Variants in PC observed in about 807,000 individuals in gnomAD.
PC encodes pyruvate carboxylase, also known as pyruvate carboxylase, mitochondrial.
In PC, 46 loss-of-function variants were observed where a neutral mutation model predicts 107.8. That is an observed-to-expected ratio of 0.43 (90% CI 0.34 to 0.55). The LOEUF (loss-of-function observed/expected upper bound fraction) is 0.55. PC is among the 20% of genes least tolerant of loss of function. The pLI is 0.04. For synonymous variants in PC, 662 were observed against 684.7 expected (o/e 0.97, Z 0.52); for missense variants, 1,241 against 1,643.1 (o/e 0.76, Z 4.23).
intron 3 of PC, among the ~76,000 whole-genome samples, chr11:66,929,795 G>A (rs562155992): frequency 3.9e-5 from 6 of 152,258 alleles, no homozygotes; most frequent in Non-Finnish European, 8.8e-5. Flanking sequence ...AGGAATACAG[G>A]CATGAGCCAC....
At chr11:66,944,614 C>A (rs559836536) in intron 3 of PC, among the ~76,000 whole-genome samples, 2 of 117,012 alleles carry the variant, frequency 1.7e-5, no homozygotes, top group South Asian at 4.9e-4. Context: ...AAATAAATTT[C>A]TATTGTTTAT....
Position 66,857,052 on chromosome 11 carries a change from GCGCGCGCGCCCGCCGGCGC to G in PC, c.1369-3688_1369-3670del, listed in dbSNP as rs1444198845. ...TCCGCCCTCCACGTGCGTGTCCGCG[GCGCGCGCGCCCGCCGGCGC>G]GCACCCGCTCGCCTGTCGCCGCCGC... On this transcript the variant is annotated intron_variant, in intron 12 of 22. Transcript: ENST00000393960. The surrounding 1 kb of genome is among the most constrained non-coding windows in gnomAD (Gnocchi z 7.1). The G allele has an allele frequency of 4.1e-5, 6 of 146,850 alleles. No homozygotes were observed. The highest frequency in any genetic ancestry group is 7.6e-5 in the Non-Finnish European group (5 of 65,894). 9.1% of individuals were successfully genotyped at this position (146,850 alleles called of 1,614,324 possible).
At chr11:66,910,505 C>A (rs1365962080) in intron 3 of PC, among the ~76,000 whole-genome samples, 2 of 152,158 alleles carry the variant, frequency 1.3e-5, no homozygotes, top group Non-Finnish European at 2.9e-5. Flanking sequence ...TGAGGACTGT[C>A]CACTATGTAA....
At chr11:66,851,357 C>A (rs543835075) in intron 16 of PC, 77 bp from the exon 17 acceptor site, 1 of 1,584,518 alleles carries the variant, frequency 6.3e-7, no homozygotes, top group South Asian at 1.1e-5. Context: ...CCTTCCTGAC[C>A]CACTCTATGG....
chr11:66,900,108 T>C (rs1193338509), intron 3 of PC, among the ~76,000 whole-genome samples: 1 of 152,094 alleles, frequency 6.6e-6, no homozygotes, highest in Non-Finnish European at 1.5e-5. Flanking sequence ...TATATCTATA[T>C]GTCTATCCTT....
At chr11:66,935,641 A>C (rs1371335200) in intron 3 of PC, among the ~76,000 whole-genome samples, 1 of 152,100 alleles carries the variant, frequency 6.6e-6, no homozygotes, top group Non-Finnish European at 1.5e-5. Context: ...TATTCTGAGA[A>C]CCTCAGGCCA....
chr11:66,949,232 T>A (rs910517878), intron 3 of PC, among the ~76,000 whole-genome samples: 1 of 151,508 alleles, frequency 6.6e-6, no homozygotes, highest in Non-Finnish European at 1.5e-5. Flanking sequence ...GACCTCGTGA[T>A]CTGCCCGCCT....
At chr11:66,918,449 C>A (rs1454935695) in intron 3 of PC, among the ~76,000 whole-genome samples, 1 of 151,214 alleles carries the variant, frequency 6.6e-6, no homozygotes, top group Non-Finnish European at 1.5e-5. Flanking sequence ...AGTGCAGTGG[C>A]GCAATCTTGG....
At chr11:66,888,889 C>A (rs1296779577) in intron 3 of PC, among the ~76,000 whole-genome samples, 1 of 152,090 alleles carries the variant, frequency 6.6e-6, no homozygotes, top group African/African-American at 2.4e-5. Context: ...CCCTGACCAA[C>A]ATGGTGAAAC....
intron 3 of PC, among the ~76,000 whole-genome samples, chr11:66,928,365 G>A (rs1164315806): frequency 7.5e-6 from 1 of 133,440 alleles, no homozygotes; most frequent in Non-Finnish European, 1.5e-5. Flanking sequence ...CAGCCTGGGC[G>A]ACAGAGTGAG....
rs754740182 is a variant in PC at position 66,858,660 on chromosome 11, G to A, written c.1368+5114C>T. 1 of 1,543,486 alleles carries A rather than the reference G, an allele frequency of 6.5e-7. No homozygotes were observed. Among genetic ancestry groups the A allele is most frequent in the Non-Finnish European group, 8.7e-7 (1 of 1,144,488 alleles). The stretch of plus-strand genomic sequence containing the variant: ...GGCCACGCTGCGGTGCCGGGCCCTG[G>A]GTGACCCCGCGCCTACCATGCACTG... On this transcript the variant is annotated intron_variant, in intron 12 of 22. Coordinates refer to ENST00000393960, the MANE Select transcript of PC (RefSeq NM_001040716.2). The surrounding 1 kb of genome is among the most constrained non-coding windows in gnomAD (Gnocchi z 5.9).
intron 3 of PC, among the ~76,000 whole-genome samples, chr11:66,925,271 G>A (rs749729487): frequency 5.9e-5 from 9 of 152,096 alleles, no homozygotes; most frequent in East Asian, 1.9e-4. Flanking sequence ...GAATTTCCTC[G>A]TCCTAATAAG....
chr11:66,923,109 G>A (rs1413860459), intron 3 of PC, among the ~76,000 whole-genome samples: 1 of 152,184 alleles, frequency 6.6e-6, no homozygotes, highest in South Asian at 2.1e-4. Context: ...GCTCACGCCT[G>A]TAATCCCAGC....
intron 11 of PC, 142 bp from the exon 12 acceptor site, chr11:66,864,098 C>T: frequency 1.2e-6 from 1 of 846,786 alleles, no homozygotes; most frequent in South Asian, 1.4e-5. Context: ...CCAGCTCTGG[C>T]TGGTCAGGTT....
intron 12 of PC, among the ~76,000 whole-genome samples, chr11:66,860,903 T>A (rs1268127065): frequency 6.6e-6 from 1 of 152,076 alleles, no homozygotes; most frequent in African/African-American, 2.4e-5. Context: ...GGGCTGAGCG[T>A]ACAGTGAAAA....
chr11:66,850,092 C>T lies in PC; in HGVS notation c.2743G>A (p.Gly915Arg). 6.2e-7 allele frequency: 1 copy of T among 1,613,746 alleles called. No homozygotes were observed. The highest frequency in any genetic ancestry group is 8.5e-7 in the Non-Finnish European group (1 of 1,180,048). Residue 915 changes from glycine to arginine, a missense_variant, in exon 20 of 23, where the codon GGG (glycine) becomes AGG (arginine). By Grantham distance (125) the Gly-to-Arg change is moderately radical (BLOSUM62 -2). Around this residue, in one of 2 missense-constraint regions of PC, gnomAD observed 1,143 missense variants for 1,551.9 expected, o/e 0.74. Transcript: ENST00000393960. ...TGCACCATAAACTGGGCCAGGTCCCCCACGATCTTGGAGGAGGGCGTCACC... is the reference window on the plus strand; with the variant it reads ...TGCACCATAAACTGGGCCAGGTCCCTCACGATCTTGGAGGAGGGCGTCACC... ...IKVTPSSKIV[G>R]DLAQFMVQNG...
rs1945286508 is a variant in PC, at chr11:66,848,580, A to G, written c.*319T>C. ...CTTCCCAGGACCTGGGACATCTTAG[A>G]TCTCCCCTTCCCCCAGGAGATAGGA... On this transcript the variant is annotated 3_prime_UTR_variant, in exon 23 of 23. Coordinates refer to ENST00000393960, the MANE Select transcript of PC (RefSeq NM_001040716.2). 1 of 598,368 alleles carries G rather than the reference A, an allele frequency of 1.7e-6. No individual in the cohort carries two copies. Among genetic ancestry groups the G allele is most frequent in the Non-Finnish European group, 3.0e-6 (1 of 335,728 alleles). The allele number at this position is 598,368 out of a possible 1,614,324, so 37.1% of individuals were successfully genotyped here.
intron 18 of PC, 66 bp downstream of exon 18, chr11:66,850,608 A>G: frequency 6.2e-7 from 1 of 1,601,508 alleles, no homozygotes. Flanking sequence ...CAGGTCCAAC[A>G]CTACTGGGAC....
intron 3 of PC, among the ~76,000 whole-genome samples, chr11:66,949,890 G>A (rs185966457): frequency 1.3e-5 from 2 of 152,064 alleles, no homozygotes; most frequent in African/African-American, 2.4e-5. Context: ...AAAAATCCAG[G>A]GGTAGGAGTG....
Sources: gnomAD v4.1 joint callset for allele counts (sites outside exome capture counted in the v4.1 genomes callset) on GRCh38, gnomAD v4.1.1 for gene constraint, gnomAD v4.1.1 regional missense constraint, Gnocchi (gnomAD v3.1) non-coding constraint, MANE v1.5 for transcripts, NCBI Gene and HGNC (gene_info 2026-07-23, HGNC 2026-07-21) for gene names.